PCDH15: variants seen among roughly 807,000 people sequenced by gnomAD.
PCDH15 encodes the protein protocadherin related 15, also known as protocadherin-15.
A neutral mutation model predicts 178.5 loss-of-function variants in PCDH15; 129 were observed. The observed-to-expected ratio is 0.72, with a 90% CI of 0.63 to 0.84. The LOEUF is 0.84. PCDH15 is among the 40% of genes least tolerant of loss of function. The probability of loss-of-function intolerance (pLI) is 0.00; values close to 1 mark genes in which losing one functional copy is unlikely to be tolerated. For synonymous variants in PCDH15, 800 were observed against 732.0 expected (o/e 1.09, Z -1.50); for missense variants, 2,230 against 2,099.9 (o/e 1.06, Z -1.21).
chr10:54,071,046 T>G (rs2094232177), intron 17 of PCDH15, among the ~76,000 whole-genome samples: 1 of 152,198 alleles, frequency 6.6e-6, no homozygotes, highest in Non-Finnish European at 1.5e-5. Flanking sequence ...ATCTTATTTA[T>G]TCTCTTCTAG....
chr10:55,518,409 G>A (rs947692632), intron 2 of PCDH15, among the ~76,000 whole-genome samples: 7 of 151,898 alleles, frequency 4.6e-5, no homozygotes, highest in African/African-American at 7.3e-5. Context: ...GACAAACACC[G>A]CCACTTTTAA....
chr10:55,614,126 A>T (rs1346817920), intron 2 of PCDH15, among the ~76,000 whole-genome samples: 4 of 144,860 alleles, frequency 2.8e-5, no homozygotes, highest in Non-Finnish European at 6.1e-5. Context: ...AAAAAAAAAA[A>T]GAAAAGTAAC....
At chr10:54,080,995 T>G (rs2094429862) in intron 16 of PCDH15, among the ~76,000 whole-genome samples, 1 of 152,190 alleles carries the variant, frequency 6.6e-6, no homozygotes, top group Admixed American at 6.5e-5. Context: ...GTTACCATTT[T>G]CATTTTGTTT....
intron 1 of PCDH15, among the ~76,000 whole-genome samples, chr10:54,750,419 T>C (rs1307418497): frequency 6.6e-6 from 1 of 152,078 alleles, no homozygotes; most frequent in African/African-American, 2.4e-5. Context: ...ACCTTTTTGG[T>C]GAATACAGGT....
intron 1 of PCDH15, among the ~76,000 whole-genome samples, chr10:55,258,079 T>C (rs372676471): frequency 7.9e-5 from 12 of 152,178 alleles, no homozygotes; most frequent in African/African-American, 2.7e-4. Flanking sequence ...CAATATGCTA[T>C]AGAAGATTAG....
chr10:55,051,088 C>T (rs1023929473), intron 2 of PCDH15, among the ~76,000 whole-genome samples: 3 of 152,094 alleles, frequency 2.0e-5, no homozygotes, highest in Non-Finnish European at 2.9e-5. Flanking sequence ...TGCTTGAAAT[C>T]ATCTGGATTT....
At chr10:55,043,500 G>A (rs2131979619) in intron 2 of PCDH15, among the ~76,000 whole-genome samples, 1 of 152,052 alleles carries the variant, frequency 6.6e-6, no homozygotes, top group Admixed American at 6.6e-5. Flanking sequence ...CTTGAGCCCA[G>A]AAGTGGGAGA....
At chr10:54,857,709 C>T (rs1953765309) in intron 3 of PCDH15, among the ~76,000 whole-genome samples, 1 of 151,882 alleles carries the variant, frequency 6.6e-6, no homozygotes, top group Non-Finnish European at 1.5e-5. Flanking sequence ...ACCTTAGCCT[C>T]CCAAACTGCT....
intron 13 of PCDH15, among the ~76,000 whole-genome samples, chr10:54,163,450 A>G (rs2045914982): frequency 6.6e-6 from 1 of 152,004 alleles, no homozygotes; most frequent in South Asian, 2.1e-4. Flanking sequence ...ATACTTTTAA[A>G]CCATCAGCTC....
intron 1 of PCDH15, among the ~76,000 whole-genome samples, chr10:54,752,516 ACAAAC>A (rs1427599951): frequency 7.4e-5 from 7 of 95,086 alleles, no homozygotes; most frequent in African/African-American, 1.0e-4. Flanking sequence ...CAAAAAACAA[ACAAAC>A]AAACAAACAA....
At chr10:54,708,801 T>TGTGCGC (rs959581064) in intron 1 of PCDH15, among the ~76,000 whole-genome samples, 33 of 125,670 alleles carry the variant, frequency 2.6e-4, no homozygotes, top group African/African-American at 9.3e-4. Flanking sequence ...TGTGTGTGTG[T>TGTGCGC]GCGCGCGCGT....
intron 3 of PCDH15, among the ~76,000 whole-genome samples, chr10:54,857,340 G>A (rs1021309536): frequency 6.6e-6 from 1 of 152,088 alleles, no homozygotes; most frequent in African/African-American, 2.4e-5. Flanking sequence ...ATTTGCACAA[G>A]GTCTCCCATT....
intron 9 of PCDH15, among the ~76,000 whole-genome samples, chr10:54,231,013 T>C (rs2054001158): frequency 1.3e-5 from 2 of 152,244 alleles, no homozygotes; most frequent in African/African-American, 2.4e-5. Flanking sequence ...TGTTAACATT[T>C]ACATTAAAAA....
At chr10:53,809,032 TC>T (rs1176812024) in intron 37 of PCDH15, 1 of 1,602,668 alleles carries the variant, frequency 6.2e-7, no homozygotes, top group Admixed American at 1.7e-5. Flanking sequence ...ACCCTTGACT[TC>T]CTTGACCTCC....
chr10:55,027,835 A>T (rs1185405119), intron 2 of PCDH15, among the ~76,000 whole-genome samples: 1 of 151,818 alleles, frequency 6.6e-6, no homozygotes, highest in African/African-American at 2.4e-5. Flanking sequence ...TTTTTTTGTC[A>T]ATTATATTTT....
In PCDH15 at chr10:55,224,903, G is replaced by T. The variant is rs1044434320; in HGVS notation, c.-155-58252C>A. 2.6e-5 allele frequency among the ~76,000 whole-genome samples: 4 copies of T among 151,966 alleles called. 1 individual carries two copies. The highest frequency in any genetic ancestry group is 9.7e-5 in the African/African-American group (4 of 41,310). ...GTTTGTGTAGTTGGAACCACATCAT[G>T]ACCCTATTCTCATCTTGAAAAGCAG... On this transcript the variant is annotated intron_variant, in intron 1 of 5. Coordinates refer to the PCDH15 transcript ENST00000458638.
At chr10:54,894,676 A>G (rs1374167235) in intron 3 of PCDH15, among the ~76,000 whole-genome samples, 3 of 152,176 alleles carry the variant, frequency 2.0e-5, no homozygotes, top group Non-Finnish European at 4.4e-5. Flanking sequence ...CCAGAAAGAA[A>G]CCAAAGGTCA....
chr10:54,226,063 T>C (rs1167374568), intron 9 of PCDH15, among the ~76,000 whole-genome samples: 1 of 152,186 alleles, frequency 6.6e-6, no homozygotes, highest in Non-Finnish European at 1.5e-5. Context: ...TGTCAATCAA[T>C]TGGCTGATTG....
intron 1 of PCDH15, among the ~76,000 whole-genome samples, chr10:54,725,896 AAT>A (rs57037115): frequency 0.12 from 18,429 of 151,450 alleles, 1,248 homozygotes; most frequent in African/African-American, 0.17. Context: ...GGTAAAAAAA[AAT>A]TACTGCTGAT....
Sources: allele counts gnomAD v4.1 joint callset (sites outside exome capture counted in the v4.1 genomes callset), GRCh38; gene constraint gnomAD v4.1.1; transcripts MANE v1.5; gene names NCBI Gene and HGNC (gene_info 2026-07-23, HGNC 2026-07-21).